The following ZMAT4 variants were observed in gnomAD, a reference collection of about 807,000 sequenced individuals.
ZMAT4 encodes the protein zinc finger matrin-type 4.
Under a neutral mutation model 28.7 loss-of-function variants are expected in ZMAT4, and 17 were observed. The observed-to-expected ratio is 0.59, with a 90% CI of 0.41 to 0.89. The LOEUF is 0.89. Ranked by LOEUF, ZMAT4 falls within the 40% of genes least tolerant of loss-of-function variation. The pLI, the probability that ZMAT4 is intolerant of heterozygous loss-of-function variation, is 0.00. For missense variants in ZMAT4, 240 were observed against 283.8 expected, an observed-to-expected ratio of 0.85 and a Z score of 1.11; for synonymous variants, 117 against 109.2, an observed-to-expected ratio of 1.07 and a Z score of -0.44.
chr8:40,545,527 C>T (rs1204608868), intron 6 of ZMAT4, among the ~76,000 whole-genome samples: 1 of 152,086 alleles, frequency 6.6e-6, no homozygotes, highest in Non-Finnish European at 1.5e-5. Context: ...ATGAATGGTA[C>T]TAGAGTAGGG....
intron 3 of ZMAT4, among the ~76,000 whole-genome samples, chr8:40,729,507 G>A (rs7827797): frequency 0.27 from 41,592 of 151,960 alleles, 6,574 homozygotes; most frequent in East Asian, 0.56. Flanking sequence ...GTTCTAAGTA[G>A]ATACTAAATA....
intron 3 of ZMAT4, among the ~76,000 whole-genome samples, chr8:40,763,798 A>C (rs1348136383): frequency 6.6e-6 from 1 of 152,178 alleles, no homozygotes; most frequent in East Asian, 1.9e-4. Context: ...GCTATGCAGA[A>C]TATTTCAGAT....
intron 6 of ZMAT4, among the ~76,000 whole-genome samples, chr8:40,548,734 A>G (rs183080350): frequency 6.6e-6 from 1 of 152,282 alleles, no homozygotes. Flanking sequence ...AACAAAACAA[A>G]ACAAAACAAT....
At chr8:40,808,416 T>A in intron 2 of ZMAT4, 1 of 344,292 alleles carries the variant, frequency 2.9e-6, no homozygotes, top group Non-Finnish European at 5.7e-6. Flanking sequence ...TATTTTGGCT[T>A]TTTATTACAG....
At chr8:40,616,765 T>C (rs2118677221) in intron 5 of ZMAT4, among the ~76,000 whole-genome samples, 1 of 151,986 alleles carries the variant, frequency 6.6e-6, no homozygotes, top group Non-Finnish European at 1.5e-5. Flanking sequence ...AGGGATAGCA[T>C]TAGGAGATAT....
rs765108645 is a variant in ZMAT4 at position 40,697,406 on chromosome 8, G to A, written c.193-5C>T. ...CACCATGTCGGCATCACTTCCCTGC[G>A]CAGGGAGAAAGAAAGGCCACGTGTG... is the stretch of plus-strand genomic sequence containing the variant. On this transcript the variant is annotated splice_polypyrimidine_tract_variant and splice_region_variant and intron_variant, in intron 3 of 6. Coordinates refer to ENST00000297737, the MANE Select transcript of ZMAT4 (RefSeq NM_024645.3). 1.1e-5 allele frequency: 17 copies of A among 1,565,092 alleles called. No homozygotes were observed. The highest frequency in any genetic ancestry group is 4.7e-5 in the South Asian group (4 of 84,428).
At chr8:40,630,118 G>A (rs1806521589) in intron 5 of ZMAT4, among the ~76,000 whole-genome samples, 1 of 152,162 alleles carries the variant, frequency 6.6e-6, no homozygotes, top group African/African-American at 2.4e-5. Context: ...TACCTGAAAT[G>A]TCCAACCCTC....
At chr8:40,679,566 C>A (rs1375161427) in intron 4 of ZMAT4, among the ~76,000 whole-genome samples, 1 of 152,188 alleles carries the variant, frequency 6.6e-6, no homozygotes, top group Non-Finnish European at 1.5e-5. Context: ...ATAAAGCCAT[C>A]AGATCTTGTG....
At chr8:40,775,374 A>T (rs1242855217) in intron 2 of ZMAT4, among the ~76,000 whole-genome samples, 1 of 152,256 alleles carries the variant, frequency 6.6e-6, no homozygotes, top group East Asian at 1.9e-4. Flanking sequence ...GACCAGAGAT[A>T]GTCCTAAGCG....
At chr8:40,601,104 A>G (rs1805286808) in intron 5 of ZMAT4, among the ~76,000 whole-genome samples, 1 of 152,120 alleles carries the variant, frequency 6.6e-6, no homozygotes, top group African/African-American at 2.4e-5. Context: ...TAAGAGATTC[A>G]AATAGAAATG....
chr8:40,641,334 C>T (rs2118763558), intron 5 of ZMAT4, among the ~76,000 whole-genome samples: 1 of 152,248 alleles, frequency 6.6e-6, no homozygotes, highest in Non-Finnish European at 1.5e-5. Flanking sequence ...AAAAAAAAGT[C>T]AAACTTTATG....
At chr8:40,894,759 G>A (rs1403236246) in intron 1 of ZMAT4, among the ~76,000 whole-genome samples, 1 of 150,686 alleles carries the variant, frequency 6.6e-6, no homozygotes, top group Non-Finnish European at 1.5e-5. Flanking sequence ...GACAGGAAGG[G>A]AATTCACACA....
intron 6 of ZMAT4, among the ~76,000 whole-genome samples, chr8:40,573,770 C>T (rs1230171873): frequency 1.3e-5 from 2 of 152,156 alleles, no homozygotes; most frequent in African/African-American, 2.4e-5. Flanking sequence ...TGAGCAAGGG[C>T]ATGGAAAGTG....
intron 5 of ZMAT4, among the ~76,000 whole-genome samples, chr8:40,621,573 T>A (rs1304094162): frequency 6.6e-6 from 1 of 151,988 alleles, no homozygotes; most frequent in Non-Finnish European, 1.5e-5. Flanking sequence ...AAGCGCAAGG[T>A]TAGAGTTGAA....
At chr8:40,562,138 T>G (rs975253634) in intron 6 of ZMAT4, among the ~76,000 whole-genome samples, 4 of 152,196 alleles carry the variant, frequency 2.6e-5, no homozygotes, top group African/African-American at 9.6e-5. Context: ...AAAGTCTGGT[T>G]CAAGTCTTCA....
chr8:40,665,180 T>C (rs1216409946), intron 5 of ZMAT4, among the ~76,000 whole-genome samples: 1 of 152,086 alleles, frequency 6.6e-6, no homozygotes, highest in Non-Finnish European at 1.5e-5. Context: ...CACTCCAGGC[T>C]GGGTGACAGA....
chr8:40,732,679 A>G (rs1428290120), intron 3 of ZMAT4, among the ~76,000 whole-genome samples: 1 of 152,146 alleles, frequency 6.6e-6, no homozygotes, highest in African/African-American at 2.4e-5. Context: ...AGCATGACTG[A>G]TACTGGTGTC....
chr8:40,780,409 T>G (rs1813781526), intron 2 of ZMAT4, among the ~76,000 whole-genome samples: 1 of 152,230 alleles, frequency 6.6e-6, no homozygotes, highest in African/African-American at 2.4e-5. Context: ...AGTCGAACAA[T>G]TGTTAAGTTG....
intron 1 of ZMAT4, among the ~76,000 whole-genome samples, chr8:40,856,563 A>C (rs1817306399): frequency 6.6e-6 from 1 of 152,232 alleles, no homozygotes; most frequent in Non-Finnish European, 1.5e-5. Flanking sequence ...GCACTGCAGA[A>C]TCAAAGGTGA....
Sources: allele counts gnomAD v4.1 joint callset (sites outside exome capture counted in the v4.1 genomes callset), GRCh38; gene constraint gnomAD v4.1.1; transcripts MANE v1.5; gene names NCBI Gene and HGNC (gene_info 2026-07-23, HGNC 2026-07-21).